Variants in GRID2 observed in about 807,000 individuals in gnomAD.
GRID2 encodes glutamate receptor ionotropic, delta-2.
In GRID2, 33 loss-of-function variants were observed where a neutral mutation model predicts 114.8. The ratio of observed to expected loss-of-function variants is 0.29; its 90% CI spans 0.22 to 0.38. GRID2 has a LOEUF of 0.38. Among genes scored for constraint, GRID2 ranks in the 10% least tolerant of loss-of-function variants. The pLI, the probability that GRID2 is intolerant of heterozygous loss-of-function variation, is 1.00. For missense variants in GRID2, 1,184 were observed against 1,257.7 expected, an observed-to-expected ratio of 0.94 and a Z score of 0.89; for synonymous variants, 505 against 449.9, an observed-to-expected ratio of 1.12 and a Z score of -1.55.
At chr4:92,860,406 A>T (rs1671684568) in intron 2 of GRID2, among the ~76,000 whole-genome samples, 1 of 152,118 alleles carries the variant, frequency 6.6e-6, no homozygotes, top group Admixed American at 6.6e-5. Context: ...CAGAGCTTGG[A>T]TTGTAGTTGT....
chr4:93,233,008 G>A (rs1472088241), intron 7 of GRID2, among the ~76,000 whole-genome samples: 1 of 152,100 alleles, frequency 6.6e-6, no homozygotes, highest in Non-Finnish European at 1.5e-5. Context: ...GTCATTGGAG[G>A]GCCTACTTAG....
intron 14 of GRID2, among the ~76,000 whole-genome samples, chr4:93,728,669 C>T (rs568313616): frequency 2.6e-5 from 4 of 152,188 alleles, no homozygotes; most frequent in Admixed American, 1.3e-4. Flanking sequence ...TCTGGGTGCT[C>T]GTGTATTGGG....
At chr4:92,982,857 C>T (rs1261172881) in intron 2 of GRID2, among the ~76,000 whole-genome samples, 1 of 152,038 alleles carries the variant, frequency 6.6e-6, no homozygotes, top group East Asian at 1.9e-4. Context: ...ATTTAACAAA[C>T]ACTCATTAAG....
At chr4:93,535,283 T>A (rs2149519780) in intron 13 of GRID2, among the ~76,000 whole-genome samples, 2 of 151,272 alleles carry the variant, frequency 1.3e-5, no homozygotes, top group East Asian at 3.9e-4. Flanking sequence ...ACATTTTCTT[T>A]ATCTATTCAT....
intron 2 of GRID2, among the ~76,000 whole-genome samples, chr4:92,596,430 C>T (rs764224809): frequency 9.9e-5 from 15 of 152,062 alleles, no homozygotes; most frequent in Admixed American, 3.3e-4. Flanking sequence ...AACACCTGCA[C>T]ATCAGGAGGG....
At chr4:93,128,060 C>CAAAAAAAAA (rs752622895) in intron 4 of GRID2, among the ~76,000 whole-genome samples, 4 of 68,856 alleles carry the variant, frequency 5.8e-5, no homozygotes, top group African/African-American at 1.6e-4. Flanking sequence ...AAAAAAAAAA[C>CAAAAAAAAA]AACAGTACGT....
chr4:92,975,842 CAAAG>C (rs1217781503), intron 2 of GRID2, among the ~76,000 whole-genome samples: 1 of 152,024 alleles, frequency 6.6e-6, no homozygotes, highest in Non-Finnish European at 1.5e-5. Flanking sequence ...GTTTTGATAG[CAAAG>C]AAACTAACAT....
intron 14 of GRID2, among the ~76,000 whole-genome samples, chr4:93,745,358 G>T (rs1222527846): frequency 1.3e-5 from 2 of 152,134 alleles, no homozygotes; most frequent in Non-Finnish European, 2.9e-5. Flanking sequence ...AGAGAAAAAT[G>T]TTGCCTTCTA....
chr4:92,509,384 A>G (rs1206718654), intron 1 of GRID2, among the ~76,000 whole-genome samples: 1 of 151,940 alleles, frequency 6.6e-6, no homozygotes, highest in Non-Finnish European at 1.5e-5. Context: ...TAATCAGCAA[A>G]CAACTATTGG....
chr4:92,517,959 AT>A (rs2149137116), intron 1 of GRID2, among the ~76,000 whole-genome samples: 1 of 152,062 alleles, frequency 6.6e-6, no homozygotes, highest in Admixed American at 6.6e-5. Flanking sequence ...CAATAACAAG[AT>A]TTTATAAGTA....
At chr4:93,496,679 A>G (rs781416760) in intron 12 of GRID2, among the ~76,000 whole-genome samples, 2 of 151,834 alleles carry the variant, frequency 1.3e-5, no homozygotes, top group Non-Finnish European at 2.9e-5. Flanking sequence ...AATATCCTTG[A>G]GATCTATCCA....
chr4:92,677,256 T>A (rs1560527079), intron 2 of GRID2, among the ~76,000 whole-genome samples: 1 of 152,130 alleles, frequency 6.6e-6, no homozygotes, highest in Admixed American at 6.5e-5. Context: ...TAGAAATGGA[T>A]TAAAGAGCAA....
At chr4:92,964,072 G>A (rs747216876) in intron 2 of GRID2, among the ~76,000 whole-genome samples, 15 of 151,974 alleles carry the variant, frequency 9.9e-5, no homozygotes, top group Non-Finnish European at 2.1e-4. Context: ...CAGATGTGCT[G>A]TCATCCAAGC....
chr4:93,455,648 T>C lies in GRID2; in HGVS notation c.1546-14T>C. 1.9e-6 allele frequency: 3 copies of C among 1,586,384 alleles called. No individual in the cohort carries two copies. The highest frequency in any genetic ancestry group is 2.6e-6 in the Non-Finnish European group (3 of 1,155,482). The stretch of plus-strand genomic sequence containing the variant: ...CACACTGTTAATGTATTCCTTTCTC[T>C]TTCAATTTCTCAGAGAGCCGACATA... On this transcript the variant is annotated splice_polypyrimidine_tract_variant and intron_variant, in intron 10 of 15. Transcript: ENST00000282020.
intron 1 of GRID2, among the ~76,000 whole-genome samples, chr4:92,412,813 G>GT (rs1731403352): frequency 6.6e-6 from 1 of 152,138 alleles, no homozygotes; most frequent in Admixed American, 6.6e-5. Context: ...GTTTACACCT[G>GT]TTTTTCCTCT....
At chr4:93,247,111 A>C (rs942775446) in intron 8 of GRID2, among the ~76,000 whole-genome samples, 4 of 152,184 alleles carry the variant, frequency 2.6e-5, no homozygotes, top group African/African-American at 9.6e-5. Context: ...GGATCATGCC[A>C]ACCTCTCCAG....
chr4:92,591,472 C>T (rs1728703243), intron 2 of GRID2, among the ~76,000 whole-genome samples: 1 of 151,932 alleles, frequency 6.6e-6, no homozygotes, highest in African/African-American at 2.4e-5. Flanking sequence ...TTAATTTAGT[C>T]AAATAAAACA....
intron 4 of GRID2, among the ~76,000 whole-genome samples, chr4:93,177,827 A>C (rs1488601803): frequency 6.6e-6 from 1 of 152,170 alleles, no homozygotes; most frequent in Non-Finnish European, 1.5e-5. Context: ...TAGTAGTTTT[A>C]GCAACTGCAA....
chr4:92,414,943 T>A (rs2110310045), intron 1 of GRID2, among the ~76,000 whole-genome samples: 1 of 152,158 alleles, frequency 6.6e-6, no homozygotes, highest in Non-Finnish European at 1.5e-5. Flanking sequence ...CCATGAAAGT[T>A]TTCATTCATG....
Sources: allele counts gnomAD v4.1 joint callset (sites outside exome capture counted in the v4.1 genomes callset), GRCh38; gene constraint gnomAD v4.1.1; transcripts MANE v1.5; gene names NCBI Gene and HGNC (gene_info 2026-07-23, HGNC 2026-07-21).